SEMA3A: variants seen among roughly 807,000 people sequenced by gnomAD.
SEMA3A encodes semaphorin 3A.
A neutral mutation model predicts 97.9 loss-of-function variants in SEMA3A; 29 were observed. The observed-to-expected ratio is 0.30, with a 90% CI of 0.22 to 0.40. SEMA3A has a LOEUF of 0.40. Among genes scored for constraint, SEMA3A ranks in the 10% least tolerant of loss-of-function variants. SEMA3A has a pLI of 1.00. For synonymous variants in SEMA3A, 321 were observed against 323.7 expected, an observed-to-expected ratio of 0.99 and a Z score of 0.09; for missense variants, 763 against 951.3, an observed-to-expected ratio of 0.80 and a Z score of 2.60.
At chr7:84,133,166 T>C (rs892931217) in intron 2 of SEMA3A, among the ~76,000 whole-genome samples, 2 of 152,284 alleles carry the variant, frequency 1.3e-5, no homozygotes, top group Middle Eastern at 3.4e-3. Flanking sequence ...TTGAAATCAA[T>C]TGAATTGAAA....
intron 1 of SEMA3A, among the ~76,000 whole-genome samples, chr7:84,425,575 TATATTGATATAAATATAAAC>T (rs1340757848): frequency 6.9e-6 from 1 of 145,908 alleles, no homozygotes; most frequent in Non-Finnish European, 1.5e-5. Flanking sequence ...AGTATAAACA[TATATTGATATAAATATAAAC>T]ATATTGATAT....
chr7:84,320,240 A>G (rs1041094112), intron 2 of SEMA3A, among the ~76,000 whole-genome samples: 1 of 152,128 alleles, frequency 6.6e-6, no homozygotes, highest in African/African-American at 2.4e-5. Flanking sequence ...CCTTCCTTCC[A>G]TAAGAAAATA....
intron 3 of SEMA3A, among the ~76,000 whole-genome samples, chr7:84,285,360 A>G (rs1252271021): frequency 2.0e-5 from 3 of 152,124 alleles, no homozygotes; most frequent in Non-Finnish European, 4.4e-5. Context: ...AGGCATAACA[A>G]AAGTATATAA....
chr7:84,024,011 C>CAAA (rs397890179), intron 6 of SEMA3A, among the ~76,000 whole-genome samples: 10 of 113,692 alleles, frequency 8.8e-5, no homozygotes, highest in Admixed American at 2.7e-4. Flanking sequence ...GACTCCGTCT[C>CAAA]AAAAAAAAAA....
At chr7:84,330,423 CA>C (rs1318670509) in intron 2 of SEMA3A, among the ~76,000 whole-genome samples, 1 of 151,990 alleles carries the variant, frequency 6.6e-6, no homozygotes, top group Non-Finnish European at 1.5e-5. Flanking sequence ...AACAAATTAT[CA>C]TATGCACTTA....
At chr7:84,153,505 T>C (rs1277099620) in intron 1 of SEMA3A, among the ~76,000 whole-genome samples, 2 of 152,240 alleles carry the variant, frequency 1.3e-5, no homozygotes, top group East Asian at 1.9e-4. Flanking sequence ...GTGAATTTTT[T>C]CCCCCAAAGG....
chr7:84,033,411 T>C lies in SEMA3A; in HGVS notation c.667+12913A>G, dbSNP rs143504698. ...TCGAGCAGTGTTAGATGGGCTTTCA[T>C]TGATTGTTGCTTGAAAATCCAACAT... is the stretch of plus-strand genomic sequence containing the variant. On this transcript the variant is annotated intron_variant, in intron 6 of 16. Transcript: ENST00000265362. Among the ~76,000 whole-genome samples the C allele has an allele frequency of 5.7e-3, 866 of 152,322 alleles. 6 individuals are homozygous for C. Among genetic ancestry groups the C allele is most frequent in the Non-Finnish European group, 8.2e-3 (555 of 68,034 alleles).
intron 1 of SEMA3A, among the ~76,000 whole-genome samples, chr7:84,158,503 C>A (rs182870302): frequency 5.9e-5 from 9 of 152,208 alleles, no homozygotes; most frequent in Admixed American, 3.9e-4. Flanking sequence ...AAAAAATAAA[C>A]CTCCCTGTTA....
At chr7:84,409,626 A>T (rs1266957633) in intron 1 of SEMA3A, among the ~76,000 whole-genome samples, 1 of 152,124 alleles carries the variant, frequency 6.6e-6, no homozygotes, top group African/African-American at 2.4e-5. Context: ...ATAGATACAA[A>T]ATAGCTATTG....
intron 5 of SEMA3A, among the ~76,000 whole-genome samples, chr7:84,052,138 T>A (rs1186421510): frequency 6.6e-6 from 1 of 152,058 alleles, no homozygotes; most frequent in Non-Finnish European, 1.5e-5. Context: ...GATTTTTGCA[T>A]CAATGTTCAT....
At chr7:83,974,235 G>A (rs1037294602) in intron 15 of SEMA3A, among the ~76,000 whole-genome samples, 1 of 152,166 alleles carries the variant, frequency 6.6e-6, no homozygotes, top group African/African-American at 2.4e-5. Context: ...AAGAGGAGGT[G>A]TAGCTGGATT....
intron 12 of SEMA3A, among the ~76,000 whole-genome samples, chr7:84,000,587 T>C (rs913564913): frequency 1.3e-5 from 2 of 152,078 alleles, no homozygotes; most frequent in African/African-American, 4.8e-5. Context: ...CCTGGTGAAA[T>C]AGGTATTATG....
At chr7:84,109,054 C>T (rs1455668860) in intron 4 of SEMA3A, among the ~76,000 whole-genome samples, 1 of 151,974 alleles carries the variant, frequency 6.6e-6, no homozygotes, top group African/African-American at 2.4e-5. Flanking sequence ...GAGCTATCTT[C>T]AGAATATAGA....
chr7:84,231,373 A>G (rs1295433145), intron 3 of SEMA3A, among the ~76,000 whole-genome samples: 1 of 152,012 alleles, frequency 6.6e-6, no homozygotes, highest in East Asian at 1.9e-4. Flanking sequence ...GTTGTCTAGC[A>G]TGTAGGCCAG....
intron 3 of SEMA3A, among the ~76,000 whole-genome samples, chr7:84,254,732 G>T (rs932829187): frequency 1.3e-5 from 2 of 152,066 alleles, no homozygotes; most frequent in Non-Finnish European, 2.9e-5. Flanking sequence ...ACCCAGTCAA[G>T]ATATGGAATT....
intron 1 of SEMA3A, among the ~76,000 whole-genome samples, chr7:84,391,941 C>T (rs1485559058): frequency 6.9e-6 from 1 of 144,080 alleles, no homozygotes. Context: ...GCCTGAGAAA[C>T]AGAGTGAGAC....
chr7:84,014,656 C>T (rs1340492590), intron 6 of SEMA3A, among the ~76,000 whole-genome samples: 1 of 152,132 alleles, frequency 6.6e-6, no homozygotes, highest in East Asian at 1.9e-4. Context: ...ATTTTGCAAA[C>T]TATAAGTACT....
At chr7:84,271,942 C>A (rs1800161943) in intron 3 of SEMA3A, among the ~76,000 whole-genome samples, 1 of 152,076 alleles carries the variant, frequency 6.6e-6, no homozygotes, top group African/African-American at 2.4e-5. Context: ...GGATTTCTCT[C>A]AATTACTAAA....
At chr7:84,260,397 C>T (rs981827618) in intron 3 of SEMA3A, among the ~76,000 whole-genome samples, 1 of 152,066 alleles carries the variant, frequency 6.6e-6, no homozygotes. Flanking sequence ...GGCGAGAGCC[C>T]CACCCGCCAC....
Sources: allele counts gnomAD v4.1 joint callset (sites outside exome capture counted in the v4.1 genomes callset), GRCh38; gene constraint gnomAD v4.1.1; transcripts MANE v1.5; gene names NCBI Gene and HGNC (gene_info 2026-07-23, HGNC 2026-07-21).